HIP1R: variants seen among roughly 807,000 people sequenced by gnomAD.
HIP1R encodes the protein huntingtin interacting protein 1 related.
A neutral mutation model predicts 144.2 loss-of-function variants in HIP1R; 135 were observed. The ratio of observed to expected loss-of-function variants is 0.94; its 90% CI spans 0.81 to 1.08. The LOEUF (loss-of-function observed/expected upper bound fraction) is 1.08. HIP1R is among the 50% of genes least tolerant of loss of function. HIP1R has a pLI of 0.00. For synonymous variants in HIP1R, 698 were observed against 612.8 expected (o/e 1.14, Z -2.05); for missense variants, 1,462 against 1,432.8 (o/e 1.02, Z -0.33).
chr12:122,843,373 G>A (rs575978354), intron 1 of HIP1R, among the ~76,000 whole-genome samples: 1 of 152,228 alleles, frequency 6.6e-6, no homozygotes, highest in Non-Finnish European at 1.5e-5. Context: ...GAGGTTCCTT[G>A]TGAACATTAA....
intron 4 of HIP1R, 64 bp downstream of exon 4, chr12:122,848,916 C>T (rs1428194430): frequency 2.0e-5 from 30 of 1,533,680 alleles, no homozygotes; most frequent in African/African-American, 4.1e-5. Flanking sequence ...TGGGGCTGAG[C>T]GAAGGGTGGC....
intron 1 of HIP1R, among the ~76,000 whole-genome samples, chr12:122,847,126 AG>A (rs1164454005): frequency 2.6e-5 from 4 of 151,848 alleles, no homozygotes; most frequent in Admixed American, 6.6e-5. Context: ...AGCTCTTCTC[AG>A]GTCACAAACA....
rs139641154 is a variant in HIP1R, at chr12:122,861,147, C to G, written c.2907C>G (p.Ser969=). Residue 969 remains serine, a synonymous_variant, in exon 30 of 32, where the codon TCC becomes TCG. Coordinates refer to ENST00000253083, the MANE Select transcript of HIP1R (RefSeq NM_003959.3). ...QIEDRDTMDF[S]GLSLIKLKKQ... Reference sequence around the variant, plus strand: ...CGGCCACAGACACCATGGATTTCTCCGGCCTGTCCCTCATCAAGCTGAAGA... The same window carrying G: ...CGGCCACAGACACCATGGATTTCTCGGGCCTGTCCCTCATCAAGCTGAAGA... 6.2e-7 allele frequency: 1 copy of G among 1,613,312 alleles called. No homozygotes were observed. Among genetic ancestry groups the G allele is most frequent in the Non-Finnish European group, 8.5e-7 (1 of 1,179,988 alleles).
chr12:122,836,311 C>A lies in HIP1R; in HGVS notation c.93+668C>A, dbSNP rs912959376. On this transcript the variant is annotated intron_variant, in intron 1 of 31. Coordinates refer to ENST00000253083, the MANE Select transcript of HIP1R (RefSeq NM_003959.3). The surrounding 1 kb of genome is among the most constrained non-coding windows in gnomAD (Gnocchi z 4.1). ...CTGCCCACGTATAAATAGGTGCACA[C>A]CCCCTCATTAAATACCGGCGCCCGA... 7.2e-5 allele frequency among the ~76,000 whole-genome samples: 11 copies of A among 152,138 alleles called. No individual in the cohort carries two copies. The highest frequency in any genetic ancestry group is 1.9e-4 in the African/African-American group (8 of 41,408).
chr12:122,860,543 G>C lies in HIP1R; in HGVS notation c.2660+20G>C. 8 of 1,585,278 alleles carry C rather than the reference G, an allele frequency of 5.0e-6. No homozygotes were observed. Among genetic ancestry groups the C allele is most frequent in the East Asian group, 2.2e-5 (1 of 44,740 alleles). ...GCTGGTGTAGGTTGCCCTGGGTGGG[G>C]GGGGGCAGGGGGCTGCTTCCTGCCA... On this transcript the variant is annotated intron_variant, in intron 27 of 31. Coordinates refer to ENST00000253083, the MANE Select transcript of HIP1R (RefSeq NM_003959.3).
rs770982695 is a variant in HIP1R, at chr12:122,855,081, G to A, written c.805G>A (p.Asp269Asn). ...CAGGAACTTCTTCCGCAGAGCCTCC[G>A]ACATGCTGTACTTCAAGCGGCTCAT... The part of the protein sequence containing the change: ...SLRNFFRRAS[D>N]MLYFKRLIQI... The change falls in exon 10 of 32, where the codon GAC becomes AAC. Residue 269 changes from aspartate (D) to asparagine (N), a missense_variant. Physicochemically the swap from Asp to Asn is conservative, Grantham distance 23. Transcript: ENST00000253083. 48 of 1,613,664 alleles carry A rather than the reference G, an allele frequency of 3.0e-5. No homozygotes were observed. Among genetic ancestry groups the A allele is most frequent in the Middle Eastern group, 1.6e-4 (1 of 6,084 alleles).
chr12:122,849,945 T>C lies in HIP1R; in HGVS notation c.428T>C (p.Phe143Ser), dbSNP rs2033325169. Residue 143 changes from phenylalanine to serine, a missense_variant, in exon 5 of 32, where the codon TTC becomes TCC. By Grantham distance (155) the Phe-to-Ser change is radical (BLOSUM62 -2). Around this residue, in one of 2 missense-constraint regions of HIP1R, gnomAD observed 350 missense variants for 421.1 expected, o/e 0.83. Coordinates refer to ENST00000253083, the MANE Select transcript of HIP1R (RefSeq NM_003959.3). ...YTKLLLTKISFHLKHPQFPAG... is the reference protein window; with the variant it reads ...YTKLLLTKISSHLKHPQFPAG... ...AAGCTGCTGCTGACCAAGATCTCCT[T>C]CCACCTCAAGGTGGTTTCCTCGGGG... 6.2e-7 allele frequency: 1 copy of C among 1,613,062 alleles called. No homozygotes were observed. Among genetic ancestry groups the C allele is most frequent in the Non-Finnish European group, 8.5e-7 (1 of 1,179,536 alleles).
In HIP1R at chr12:122,855,825, C is replaced by A; in HGVS notation, c.1056-6C>A. ...TTAACTTGAACCCCAGGACCTCTGTCCCCAGGGACCTCCAGATTGAGAGCT... is the reference window on the plus strand; with the variant it reads ...TTAACTTGAACCCCAGGACCTCTGTACCCAGGGACCTCCAGATTGAGAGCT... On this transcript the variant is annotated splice_region_variant and splice_polypyrimidine_tract_variant and intron_variant, in intron 12 of 31. Coordinates refer to ENST00000253083, the MANE Select transcript of HIP1R (RefSeq NM_003959.3). 1 of 1,560,280 alleles carries A rather than the reference C, an allele frequency of 6.4e-7. No homozygotes were observed. The highest frequency in any genetic ancestry group is 1.2e-5 in the South Asian group (1 of 84,580).
At chr12:122,843,226 C>G (rs1455910661) in intron 1 of HIP1R, among the ~76,000 whole-genome samples, 1 of 152,212 alleles carries the variant, frequency 6.6e-6, no homozygotes, top group Admixed American at 6.5e-5. Flanking sequence ...GCCATGCAGC[C>G]CAGGGCCGCC....
At position 122,835,479 on chromosome 12, in the gene HIP1R, G is replaced by A; in HGVS notation, c.-72G>A. 1 of 1,205,710 alleles carries A rather than the reference G, an allele frequency of 8.3e-7. No individual in the cohort carries two copies. Among genetic ancestry groups the A allele is most frequent in the Non-Finnish European group, 1.0e-6 (1 of 967,680 alleles). 74.7% of individuals were successfully genotyped at this position (1,205,710 alleles called of 1,614,324 possible). A position where few individuals can be genotyped will look rare whatever the true frequency, so the allele number is the denominator to read the frequency against. On this transcript the variant is annotated 5_prime_UTR_variant, in exon 1 of 32. Coordinates refer to ENST00000253083, the MANE Select transcript of HIP1R (RefSeq NM_003959.3). ...GGCGCGGTGGCCTCGCGGTGCCTAGGCTGGGGCTGCCGGACCGTGAGGCTG... is the reference window on the plus strand; with the variant it reads ...GGCGCGGTGGCCTCGCGGTGCCTAGACTGGGGCTGCCGGACCGTGAGGCTG...
At chr12:122,848,669 G>T in intron 3 of HIP1R, 61 bp downstream of exon 3, 7 of 1,594,446 alleles carry the variant, frequency 4.4e-6, no homozygotes, top group South Asian at 1.1e-5. Context: ...GGACATGCGG[G>T]CTCTGGCCCT....
chr12:122,859,378 G>A (rs1416009318), intron 22 of HIP1R, 48 bp from the exon 23 acceptor site: 6 of 1,541,066 alleles, frequency 3.9e-6, no homozygotes, highest in Non-Finnish European at 5.4e-6. Flanking sequence ...CTGCCCGTGG[G>A]ACGGGGGGGG....
chr12:122,845,380 A>G (rs572698674), intron 1 of HIP1R, among the ~76,000 whole-genome samples: 8 of 152,194 alleles, frequency 5.3e-5, no homozygotes, highest in Non-Finnish European at 1.2e-4. Context: ...CATCCTAGAC[A>G]CAACGGGGCT....
chr12:122,860,843 T>A, intron 28 of HIP1R, 59 bp downstream of exon 28: 1 of 1,597,102 alleles, frequency 6.3e-7, no homozygotes, highest in Non-Finnish European at 8.5e-7. Context: ...GCCTGGGCTG[T>A]GGCTGCCAAG....
intron 6 of HIP1R, 39 bp from the exon 7 acceptor site, chr12:122,851,197 C>T: frequency 6.8e-7 from 1 of 1,476,378 alleles, no homozygotes; most frequent in South Asian, 1.4e-5. Context: ...GTGGGTCCAC[C>T]CACCCTTTTT....
At chr12:122,854,522 A>G (rs900796484) in intron 8 of HIP1R, among the ~76,000 whole-genome samples, 3 of 152,142 alleles carry the variant, frequency 2.0e-5, no homozygotes, top group Non-Finnish European at 4.4e-5. Flanking sequence ...CTGGGGTGTT[A>G]GGAGAGTTTT....
At chr12:122,838,551 T>C (rs2032971172) in intron 1 of HIP1R, among the ~76,000 whole-genome samples, 1 of 152,128 alleles carries the variant, frequency 6.6e-6, no homozygotes, top group South Asian at 2.1e-4. Flanking sequence ...TCTATGTCCT[T>C]GTCTGAAAAA....
chr12:122,837,575 C>T (rs1011394051), intron 1 of HIP1R, among the ~76,000 whole-genome samples: 7 of 152,212 alleles, frequency 4.6e-5, no homozygotes, highest in African/African-American at 1.2e-4. Context: ...CGCCTCACCT[C>T]GGCCTCCCGA....
At chr12:122,843,684 C>T (rs1197009023) in intron 1 of HIP1R, among the ~76,000 whole-genome samples, 1 of 152,120 alleles carries the variant, frequency 6.6e-6, no homozygotes, top group Admixed American at 6.6e-5. Context: ...CAGGTGGCCC[C>T]TGGGGCGTGG....
Sources: allele counts gnomAD v4.1 joint callset (sites outside exome capture counted in the v4.1 genomes callset), GRCh38; gene constraint gnomAD v4.1.1; regional missense constraint gnomAD v4.1.1; non-coding constraint Gnocchi (gnomAD v3.1); transcripts MANE v1.5; gene names NCBI Gene and HGNC (gene_info 2026-07-23, HGNC 2026-07-21).